Variants in RCHY1 observed in about 807,000 individuals in gnomAD.
RCHY1 encodes RING finger and CHY zinc finger domain-containing protein 1.
Under a neutral mutation model 41.6 loss-of-function variants are expected in RCHY1, and 21 were observed. That is an observed-to-expected ratio of 0.51 (90% CI 0.36 to 0.73). The LOEUF (loss-of-function observed/expected upper bound fraction) is 0.73, where lower values mean the gene tolerates loss of function less well. RCHY1 is among the 30% of genes least tolerant of loss of function. RCHY1 has a pLI of 0.00. For synonymous variants in RCHY1, 79 were observed against 102.9 expected, an observed-to-expected ratio of 0.77 and a Z score of 1.41; for missense variants, 265 against 325.3, an observed-to-expected ratio of 0.81 and a Z score of 1.43.
intron 3 of RCHY1, among the ~76,000 whole-genome samples, chr4:75,496,375 A>G (rs927081276): frequency 3.3e-5 from 5 of 152,092 alleles, no homozygotes; most frequent in African/African-American, 1.2e-4. Context: ...ATGAGCTGAG[A>G]CAGTCTAGAG....
At chr4:75,494,718 T>A (rs1355880074) in intron 3 of RCHY1, among the ~76,000 whole-genome samples, 2 of 151,820 alleles carry the variant, frequency 1.3e-5, no homozygotes, top group Non-Finnish European at 2.9e-5. Flanking sequence ...TTCCTAGAAG[T>A]GAAACTACTG....
intron 8 of RCHY1, among the ~76,000 whole-genome samples, chr4:75,486,800 G>A (rs1054468049): frequency 2.0e-4 from 31 of 152,238 alleles, no homozygotes; most frequent in African/African-American, 7.0e-4. Flanking sequence ...CCAATACAGT[G>A]AAACCCCGTC....
chr4:75,483,299 A>G (rs1314843809), intron 8 of RCHY1, among the ~76,000 whole-genome samples: 1 of 152,222 alleles, frequency 6.6e-6, no homozygotes, highest in Non-Finnish European at 1.5e-5. Flanking sequence ...ATTACTATGC[A>G]AGAAAAGCAC....
chr4:75,481,706 T>C lies in RCHY1; in HGVS notation c.*832A>G, dbSNP rs1721535720. The C allele has an allele frequency of 6.6e-6, 1 of 152,238 alleles. No homozygotes were observed. Among genetic ancestry groups the C allele is most frequent in the Non-Finnish European group, 1.5e-5 (1 of 68,046 alleles). The allele number at this position is 152,238 out of a possible 1,614,324, so 9.4% of individuals were successfully genotyped here. A position where few individuals can be genotyped will look rare whatever the true frequency, so the allele number is the denominator to read the frequency against. On this transcript the variant is annotated 3_prime_UTR_variant, in exon 9 of 9. Coordinates refer to ENST00000324439, the MANE Select transcript of RCHY1 (RefSeq NM_015436.4). The stretch of plus-strand genomic sequence containing the variant: ...GGACTTTTATCTTTATTGTTCACTG[T>C]TGTCTCTACAGCATCTAGAAACATA...
chr4:75,479,808 A>C lies in RCHY1; in HGVS notation c.*2730T>G, dbSNP rs1428705647. 6.6e-6 allele frequency: 1 copy of C among 152,194 alleles called. No individual in the cohort carries two copies. The highest frequency in any genetic ancestry group is 1.9e-4 in the East Asian group (1 of 5,206). The allele number at this position is 152,194 out of a possible 1,614,324, so 9.4% of individuals were successfully genotyped here. ...ACTTATTTCAGGGACAGATAATTCT[A>C]GTGTACTTAAGATCTGTCTAAGTAT... is the stretch of plus-strand genomic sequence containing the variant. On this transcript the variant is annotated 3_prime_UTR_variant, in exon 9 of 9. Coordinates refer to ENST00000324439, the MANE Select transcript of RCHY1 (RefSeq NM_015436.4).
At chr4:75,494,372 C>T in intron 3 of RCHY1, 193 bp from the exon 4 acceptor site, 1 of 466,846 alleles carries the variant, frequency 2.1e-6, no homozygotes, top group Non-Finnish European at 3.8e-6. Context: ...ATCTACCCTT[C>T]TAGGGCTTTT....
intron 7 of RCHY1, 47 bp downstream of exon 7, chr4:75,491,564 A>C (rs200249839): frequency 1.4e-3 from 2,170 of 1,564,690 alleles, no homozygotes; most frequent in Non-Finnish European, 1.8e-3. Context: ...CACACACACA[A>C]AAAAGTCAAA....
chr4:75,505,250 C>T (rs1254714541), intron 3 of RCHY1, among the ~76,000 whole-genome samples: 1 of 152,130 alleles, frequency 6.6e-6, no homozygotes, highest in East Asian at 1.9e-4. Context: ...CAGTAATGGT[C>T]GATCACCCAC....
chr4:75,482,934 T>C (rs1367807792), intron 8 of RCHY1, among the ~76,000 whole-genome samples: 3 of 151,848 alleles, frequency 2.0e-5, no homozygotes, highest in African/African-American at 7.3e-5. Context: ...ATAGTATAAA[T>C]AGTACAAGCA....
At chr4:75,495,733 T>A (rs753136546) in intron 3 of RCHY1, among the ~76,000 whole-genome samples, 13 of 152,072 alleles carry the variant, frequency 8.5e-5, no homozygotes, top group Non-Finnish European at 1.9e-4. Flanking sequence ...TGAACCACCA[T>A]TACTTTGGGT....
At chr4:75,494,068 T>G in intron 4 of RCHY1, 33 bp downstream of exon 4, 1 of 1,252,112 alleles carries the variant, frequency 8.0e-7, no homozygotes, top group African/African-American at 1.6e-5. Flanking sequence ...AACACTGTAA[T>G]ATTTTTAAAA....
intron 3 of RCHY1, among the ~76,000 whole-genome samples, chr4:75,507,192 G>A (rs974111388): frequency 6.8e-6 from 1 of 146,762 alleles, no homozygotes. Flanking sequence ...AGACCTACAG[G>A]AAAGAAGGGC....
intron 1 of RCHY1, among the ~76,000 whole-genome samples, chr4:75,512,213 G>A (rs1162479141): frequency 6.6e-6 from 1 of 152,142 alleles, no homozygotes; most frequent in Non-Finnish European, 1.5e-5. Context: ...TTCTTCCAGA[G>A]TCTAAGACCT....
At chr4:75,483,677 C>T (rs1045594470) in intron 8 of RCHY1, among the ~76,000 whole-genome samples, 5 of 152,162 alleles carry the variant, frequency 3.3e-5, no homozygotes, top group East Asian at 1.9e-4. Flanking sequence ...ACATGATTAT[C>T]GGTTAGTATT....
At position 75,491,796 on chromosome 4, in the gene RCHY1, A is replaced by T; in HGVS notation, c.451-14T>A. The T allele has an allele frequency of 6.2e-7, 1 of 1,612,224 alleles. No homozygotes were observed. The highest frequency in any genetic ancestry group is 2.2e-5 in the East Asian group (1 of 44,818). ...TGTGTGAATGTCCTGTAAATGAAAT[A>T]AATGTTAGTGCTTGTATGAAGACAA... On this transcript the variant is annotated splice_polypyrimidine_tract_variant and intron_variant, in intron 5 of 8. Coordinates refer to ENST00000324439, the MANE Select transcript of RCHY1 (RefSeq NM_015436.4).
In RCHY1 at chr4:75,509,552, C is replaced by T. The variant is rs1724672667; in HGVS notation, c.91-256G>A. The T allele has an allele frequency of 8.6e-6, 3 of 346,926 alleles. No individual in the cohort carries two copies. In the Admixed American group the frequency reaches 1.3e-4, roughly 14 times the overall value. 21.5% of individuals were successfully genotyped at this position (346,926 alleles called of 1,614,324 possible). A position where few individuals can be genotyped will look rare whatever the true frequency, so the allele number is the denominator to read the frequency against. Reference sequence around the variant, plus strand: ...AAACAAAAGAATTATGAAGGAAATCCCTAGATTGAAACACTAATCCCACAA... The same window carrying T: ...AAACAAAAGAATTATGAAGGAAATCTCTAGATTGAAACACTAATCCCACAA... On this transcript the variant is annotated intron_variant, in intron 1 of 8. Transcript: ENST00000324439.
At chr4:75,508,069 C>CT (rs1724496361) in intron 3 of RCHY1, among the ~76,000 whole-genome samples, 1 of 151,144 alleles carries the variant, frequency 6.6e-6, no homozygotes, top group Non-Finnish European at 1.5e-5. Flanking sequence ...GTTATCCTTC[C>CT]TTAAAAACAA....
chr4:75,503,512 A>C (rs953170573), intron 3 of RCHY1, among the ~76,000 whole-genome samples: 3 of 152,004 alleles, frequency 2.0e-5, no homozygotes, highest in Admixed American at 6.6e-5. Context: ...CTGGCTAACA[A>C]AGTGAAACCT....
At chr4:75,512,808 A>G (rs1369732517) in intron 1 of RCHY1, among the ~76,000 whole-genome samples, 1 of 149,948 alleles carries the variant, frequency 6.7e-6, no homozygotes, top group East Asian at 2.0e-4. Context: ...TGCCAAATCC[A>G]AAGGGCAATT....
Sources: gnomAD v4.1 joint callset for allele counts (sites outside exome capture counted in the v4.1 genomes callset) on GRCh38, gnomAD v4.1.1 for gene constraint, MANE v1.5 for transcripts, NCBI Gene and HGNC (gene_info 2026-07-23, HGNC 2026-07-21) for gene names.